PPHLN1: variants seen among roughly 807,000 people sequenced by gnomAD.
The protein encoded by PPHLN1 is periphilin-1.
A neutral mutation model predicts 51.3 loss-of-function variants in PPHLN1; 29 were observed. That is an observed-to-expected ratio of 0.57 (90% CI 0.42 to 0.77). The LOEUF (loss-of-function observed/expected upper bound fraction) is 0.77, where lower values mean the gene tolerates loss of function less well. PPHLN1 is among the 30% of genes least tolerant of loss of function. The pLI is 0.00. For synonymous variants in PPHLN1, 147 were observed against 147.8 expected (o/e 0.99, Z 0.04); for missense variants, 436 against 438.4 (o/e 0.99, Z 0.05).
At chr12:42,382,490 T>C (rs894185132) in intron 5 of PPHLN1, among the ~76,000 whole-genome samples, 14 of 152,124 alleles carry the variant, frequency 9.2e-5, no homozygotes, top group African/African-American at 3.1e-4. Context: ...TTTACCTTGC[T>C]CTCAAGCAGG....
At chr12:42,328,426 T>C (rs1414611779) in intron 1 of PPHLN1, among the ~76,000 whole-genome samples, 1 of 152,230 alleles carries the variant, frequency 6.6e-6, no homozygotes, top group African/African-American at 2.4e-5. Context: ...TGATTATCCT[T>C]TTTTAGGGTA....
intron 9 of PPHLN1, among the ~76,000 whole-genome samples, chr12:42,402,811 C>G (rs907131017): frequency 6.6e-6 from 1 of 152,038 alleles, no homozygotes; most frequent in Admixed American, 6.5e-5. Flanking sequence ...GGTTTTCTTC[C>G]GTAGATAGGG....
At chr12:42,392,536 G>T (rs373668069) in intron 7 of PPHLN1, among the ~76,000 whole-genome samples, 42 of 152,294 alleles carry the variant, frequency 2.8e-4, no homozygotes, top group African/African-American at 9.9e-4. Context: ...ATGCAACTAA[G>T]CATGGCAGGG....
chr12:42,446,012 A>G (rs2083295515), downstream of PPHLN1: 6 of 1,542,538 alleles, frequency 3.9e-6, no homozygotes, highest in Non-Finnish European at 5.2e-6. Flanking sequence ...AAACCATACC[A>G]TAGTGGGGCT....
At chr12:42,416,555 T>C (rs1201856474) in intron 9 of PPHLN1, among the ~76,000 whole-genome samples, 1 of 152,190 alleles carries the variant, frequency 6.6e-6, no homozygotes, top group East Asian at 1.9e-4. Context: ...CATGACCCTG[T>C]AAGATTCAAG....
intron 9 of PPHLN1, among the ~76,000 whole-genome samples, chr12:42,416,855 A>G (rs1294995830): frequency 1.3e-5 from 2 of 152,222 alleles, no homozygotes; most frequent in African/African-American, 4.8e-5. Flanking sequence ...TGAAGGTAGA[A>G]TAAAGATAAT....
intron 7 of PPHLN1, among the ~76,000 whole-genome samples, chr12:42,389,997 G>A (rs1402487674): frequency 1.3e-5 from 2 of 152,140 alleles, no homozygotes; most frequent in African/African-American, 4.8e-5. Context: ...ACAAGTTGCT[G>A]TTTCCATCTG....
At chr12:42,422,108 G>A (rs2081058299) in intron 9 of PPHLN1, among the ~76,000 whole-genome samples, 1 of 152,028 alleles carries the variant, frequency 6.6e-6, no homozygotes. Flanking sequence ...TACCTCTAAA[G>A]GCATGTAATC....
Position 42,334,460 on chromosome 12 carries a change from A to G in PPHLN1, c.-20-1423A>G, listed in dbSNP as rs1340283860. ...TTTGCTATAATAATATCAAGAAAAA[A>G]AGTTGCACCCTTCTTCCAGCCTTTA... On this transcript the variant is annotated intron_variant, in intron 1 of 9. Transcript: ENST00000358314. Among the ~76,000 whole-genome samples the G allele has an allele frequency of 2.6e-5, 4 of 152,304 alleles. No homozygotes were observed. The South Asian group carries it at 8.3e-4, about 32-fold the overall frequency.
intron 7 of PPHLN1, among the ~76,000 whole-genome samples, chr12:42,390,011 T>C (rs2077548741): frequency 1.3e-5 from 2 of 152,190 alleles, no homozygotes; most frequent in Admixed American, 6.5e-5. Flanking sequence ...CCATCTGTTC[T>C]CTCCAGTTAG....
chr12:42,391,043 G>A lies in PPHLN1; in HGVS notation c.649-2527G>A, dbSNP rs573010184. Reference sequence around the variant, plus strand: ...TTATTTTACATATTCAGAAGGTAGCGCCCTCTTTGATTTGCCCAAGGTCAC... The same window carrying A: ...TTATTTTACATATTCAGAAGGTAGCACCCTCTTTGATTTGCCCAAGGTCAC... On this transcript the variant is annotated intron_variant, in intron 7 of 9. Coordinates refer to ENST00000358314, the MANE Select transcript of PPHLN1 (RefSeq NM_201439.2). Among the ~76,000 whole-genome samples the A allele has an allele frequency of 9.9e-5, 15 of 152,094 alleles. No individual in the cohort carries two copies. The East Asian group carries it at 1.2e-3, about 12-fold the overall frequency.
intron 8 of PPHLN1, 71 bp from the exon 9 acceptor site, chr12:42,398,783 C>T: frequency 2.1e-6 from 3 of 1,419,146 alleles, no homozygotes; most frequent in Admixed American, 2.1e-5. Flanking sequence ...CAGTTAGTGC[C>T]TATACACAAC....
chr12:42,342,716 C>T (rs1299435694), intron 2 of PPHLN1, among the ~76,000 whole-genome samples: 1 of 152,168 alleles, frequency 6.6e-6, no homozygotes, highest in African/African-American at 2.4e-5. Flanking sequence ...GTTTCTTTAA[C>T]AAATACATTA....
chr12:42,377,485 G>C (rs2076374106), intron 5 of PPHLN1, among the ~76,000 whole-genome samples: 1 of 151,628 alleles, frequency 6.6e-6, no homozygotes, highest in South Asian at 2.1e-4. Context: ...TTATATTTTA[G>C]TAGAGACAGG....
In PPHLN1 at chr12:42,383,983, CAAAAAAAAAAAA is replaced by C. The variant is rs61016692; in HGVS notation, c.512-940_512-929del. ...TGGGCAACAGAGTGAGACTGTGTCT[CAAAAAAAAAAAA>C]AAAAAAAAAAAAAAAAGCAAGAATC... On this transcript the variant is annotated intron_variant, in intron 5 of 9. Coordinates refer to ENST00000358314, the MANE Select transcript of PPHLN1 (RefSeq NM_201439.2). Among the ~76,000 whole-genome samples the C allele has an allele frequency of 4.4e-3, 225 of 51,638 alleles. 5 individuals are homozygous for C. Among genetic ancestry groups the C allele is most frequent in the East Asian group, 0.029 (51 of 1,766 alleles). The allele number at this position is 51,638 out of a possible 152,430, so 33.9% of individuals were successfully genotyped here.
chr12:42,405,662 T>C lies in PPHLN1; in HGVS notation c.909+6668T>C, dbSNP rs1390213137. 2.0e-5 allele frequency among the ~76,000 whole-genome samples: 3 copies of C among 151,806 alleles called. No individual in the cohort carries two copies. In the East Asian group the frequency reaches 5.8e-4, roughly 29 times the overall value. On this transcript the variant is annotated intron_variant, in intron 9 of 9. Coordinates refer to ENST00000358314, the MANE Select transcript of PPHLN1 (RefSeq NM_201439.2). ...CAATATATGTTATTTCTGTTTTGAA[T>C]ACTTATTTACATGAGTTAGCTGGGG... is the stretch of plus-strand genomic sequence containing the variant.
rs1476449109 is a variant in PPHLN1 at position 42,442,039 on chromosome 12, C to G, written c.*530C>G. 1 of 910,038 alleles carries G rather than the reference C, an allele frequency of 1.1e-6. No individual in the cohort carries two copies. Among genetic ancestry groups the G allele is most frequent in the Non-Finnish European group, 1.3e-6 (1 of 761,564 alleles). 56.4% of individuals were successfully genotyped at this position (910,038 alleles called of 1,614,324 possible). On this transcript the variant is annotated 3_prime_UTR_variant, in exon 10 of 10. Coordinates refer to ENST00000358314, the MANE Select transcript of PPHLN1 (RefSeq NM_201439.2). ...TCTGAGAGATACCTCAGAAAAAAAT[C>G]CGTTTTTCCAAGTAATGAACTCAGT... is the stretch of plus-strand genomic sequence containing the variant.
chr12:42,441,440 T>C lies in PPHLN1; in HGVS notation c.1035T>C (p.Cys345=). The change falls in exon 10 of 10, where the codon TGT becomes TGC. Residue 345 remains cysteine, a synonymous_variant. Transcript: ENST00000358314. The stretch of plus-strand genomic sequence containing the variant: ...ATTTACATGAAATAGGTGAGCGGTG[T>C]GTTGAAGAACTCAAGCATTTCATTG... ...RQNLHEIGER[C]VEELKHFIAE... is the part of the protein sequence containing the mutation. 6.2e-7 allele frequency: 1 copy of C among 1,613,768 alleles called. No homozygotes were observed. Among genetic ancestry groups the C allele is most frequent in the South Asian group, 1.1e-5 (1 of 91,072 alleles).
intron 4 of PPHLN1, 156 bp downstream of exon 4, chr12:42,355,378 G>A (rs2073916799): frequency 1.7e-6 from 1 of 600,616 alleles, no homozygotes; most frequent in African/African-American, 1.9e-5. Context: ...TGACTATGTA[G>A]TATAATAGCA....
Sources: allele counts gnomAD v4.1 joint callset (sites outside exome capture counted in the v4.1 genomes callset), GRCh38; gene constraint gnomAD v4.1.1; transcripts MANE v1.5; gene names NCBI Gene and HGNC (gene_info 2026-07-23, HGNC 2026-07-21).